Variants in FAM167A observed in about 807,000 individuals in gnomAD.
FAM167A encodes the protein protein FAM167A.
FAM167A carries 23 observed loss-of-function variants against 14.9 expected under a neutral mutation model. That is an observed-to-expected ratio of 1.55 (90% CI 1.11 to 2.19). The LOEUF is 2.19. Ranked by LOEUF, FAM167A falls within the 30% of genes most tolerant of loss-of-function variation. The probability of loss-of-function intolerance (pLI) is 0.00; values close to 1 mark genes in which losing one functional copy is unlikely to be tolerated. For synonymous variants in FAM167A, 174 were observed against 117.7 expected, an observed-to-expected ratio of 1.48 and a Z score of -3.10; for missense variants, 401 against 281.5, an observed-to-expected ratio of 1.42 and a Z score of -3.04.
At chr8:11,460,230 C>G (rs764791071) in intron 1 of FAM167A, among the ~76,000 whole-genome samples, 1 of 152,238 alleles carries the variant, frequency 6.6e-6, no homozygotes, top group African/African-American at 2.4e-5. Flanking sequence ...AGGCAGCCCT[C>G]GGTGCCTCCT....
upstream of FAM167A, among the ~76,000 whole-genome samples, chr8:11,472,441 T>TTG (rs1007724325): frequency 3.6e-5 from 5 of 138,740 alleles, no homozygotes; most frequent in African/African-American, 1.2e-4. Flanking sequence ...TTTTGGGTTT[T>TTG]TTTTTTTTTT....
At chr8:11,447,037 C>G (rs1460298096) in intron 1 of FAM167A, among the ~76,000 whole-genome samples, 1 of 152,208 alleles carries the variant, frequency 6.6e-6, no homozygotes, top group Non-Finnish European at 1.5e-5. Flanking sequence ...GGCCCACCCC[C>G]TCCCCCACCA....
At chr8:11,428,726 C>G (rs1281762583) in intron 2 of FAM167A, among the ~76,000 whole-genome samples, 1 of 152,206 alleles carries the variant, frequency 6.6e-6, no homozygotes, top group Non-Finnish European at 1.5e-5. Flanking sequence ...CAGGGTTTGT[C>G]CCCGTGATGC....
chr8:11,449,959 C>T (rs949520152), intron 1 of FAM167A, among the ~76,000 whole-genome samples: 7 of 152,238 alleles, frequency 4.6e-5, no homozygotes, highest in Admixed American at 6.5e-5. Flanking sequence ...CAGGGGAAGA[C>T]GCAGGCACTG....
chr8:11,438,245 TCTC>T, intron 2 of FAM167A: 1 of 417,174 alleles, frequency 2.4e-6, no homozygotes, highest in Middle Eastern at 5.2e-4. Flanking sequence ...CCAACTCCCT[TCTC>T]CTTGACCCTG....
chr8:11,437,406 C>T (rs1041776797), intron 2 of FAM167A, among the ~76,000 whole-genome samples: 3 of 152,188 alleles, frequency 2.0e-5, no homozygotes, highest in Admixed American at 6.5e-5. Context: ...CCACTCATTC[C>T]CCTCCTCCCT....
intron 2 of FAM167A, 110 bp downstream of exon 2, chr8:11,443,921 G>C: frequency 7.5e-7 from 1 of 1,334,854 alleles, no homozygotes; most frequent in Non-Finnish European, 1.0e-6. Flanking sequence ...TAGAGAGAGG[G>C]GAAGAAATAC....
intron 1 of FAM167A, chr8:11,446,765 G>A (rs1010776498): frequency 2.0e-5 from 3 of 152,194 alleles, no homozygotes; most frequent in African/African-American, 7.2e-5. Context: ...GCAGTTTCAC[G>A]GTCAGAATCT....
rs747173658 is a variant in FAM167A, at chr8:11,436,051, C to T, written c.381+7980G>A. On this transcript the variant is annotated intron_variant, in intron 2 of 2. Coordinates refer to ENST00000284486, the MANE Select transcript of FAM167A (RefSeq NM_053279.3). ...CACAGCCTGGCTCAGGGCGGGTCCC[C>T]AGCCCAAGCTTCACCCACCTTTACT... Among the ~76,000 whole-genome samples, 84 of 152,336 alleles carry T rather than the reference C, an allele frequency of 5.5e-4. 1 individual carries two copies. The highest frequency in any genetic ancestry group is 8.8e-4 in the Non-Finnish European group (60 of 68,032).
In FAM167A at chr8:11,421,809, C is replaced by T; in HGVS notation, c.*2564G>A. 2.5e-6 allele frequency: 1 copy of T among 398,828 alleles called. No homozygotes were observed. Among genetic ancestry groups the T allele is most frequent in the Non-Finnish European group, 4.4e-6 (1 of 226,102 alleles). The allele number at this position is 398,828 out of a possible 1,614,324, so 24.7% of individuals were successfully genotyped here. A position where few individuals can be genotyped will look rare whatever the true frequency, so the allele number is the denominator to read the frequency against. ...GGATAATGAGTACAACTGCAAACAG[C>T]ACTGTACACATGTGGTGAGCCAGGA... On this transcript the variant is annotated 3_prime_UTR_variant, in exon 3 of 3. Transcript: ENST00000284486.
intron 1 of FAM167A, among the ~76,000 whole-genome samples, chr8:11,453,395 G>T (rs560270862): frequency 2.0e-5 from 3 of 152,220 alleles, no homozygotes; most frequent in African/African-American, 7.2e-5. Context: ...CACTCAATAT[G>T]TGCCAGGCAC....
chr8:11,445,618 C>T, intron 1 of FAM167A: 1 of 985,294 alleles, frequency 1.0e-6, no homozygotes, highest in Non-Finnish European at 1.2e-6. Context: ...GCCTCCCCAT[C>T]TCCAGAGAGG....
chr8:11,458,292 G>A (rs1017910558), intron 1 of FAM167A, among the ~76,000 whole-genome samples: 2 of 152,202 alleles, frequency 1.3e-5, no homozygotes, highest in Non-Finnish European at 2.9e-5. Context: ...GTGCTCTTCC[G>A]AATGGAGCTG....
At chr8:11,461,225 G>C (rs536392547) in intron 1 of FAM167A, among the ~76,000 whole-genome samples, 1 of 152,236 alleles carries the variant, frequency 6.6e-6, no homozygotes, top group South Asian at 2.1e-4. Flanking sequence ...GCGGGGCTCT[G>C]GGAAAGGGCG....
intron 2 of FAM167A, among the ~76,000 whole-genome samples, chr8:11,428,250 TG>T (rs1029561882): frequency 3.3e-5 from 5 of 152,088 alleles, no homozygotes; most frequent in African/African-American, 1.2e-4. Flanking sequence ...CACATCTCTG[TG>T]GGGTAGCAGG....
intron 2 of FAM167A, among the ~76,000 whole-genome samples, chr8:11,433,105 G>T (rs1489856061): frequency 1.3e-5 from 2 of 152,138 alleles, no homozygotes; most frequent in African/African-American, 4.8e-5. Flanking sequence ...ACCTAATGTA[G>T]GTGACGGGTT....
chr8:11,459,832 C>T (rs1807467934), intron 1 of FAM167A, among the ~76,000 whole-genome samples: 1 of 152,254 alleles, frequency 6.6e-6, no homozygotes, highest in African/African-American at 2.4e-5. Flanking sequence ...TCTCCTGCCT[C>T]AGCCTCCTGA....
chr8:11,431,102 G>C (rs912604539), intron 2 of FAM167A, among the ~76,000 whole-genome samples: 19 of 152,190 alleles, frequency 1.2e-4, no homozygotes, highest in Non-Finnish European at 2.4e-4. Flanking sequence ...ACCTGGATTT[G>C]TACATCCACG....
At chr8:11,475,875 C>T (rs1010489210) in exon 1 of FAM167A, among the ~76,000 whole-genome samples, 2 of 152,144 alleles carry the variant, frequency 1.3e-5, no homozygotes, top group East Asian at 1.9e-4. Context: ...CCCCTGTGGA[C>T]GCAGACCTCT....
Sources: allele counts gnomAD v4.1 joint callset (sites outside exome capture counted in the v4.1 genomes callset), GRCh38; gene constraint gnomAD v4.1.1; transcripts MANE v1.5; gene names NCBI Gene and HGNC (gene_info 2026-07-23, HGNC 2026-07-21).